The following BCL9 variants were observed in gnomAD, a reference collection of about 807,000 sequenced individuals.
BCL9 encodes BCL9 transcription coactivator.
In BCL9, 25 loss-of-function variants were observed where a neutral mutation model predicts 88.5. That is an observed-to-expected ratio of 0.28 (90% CI 0.21 to 0.39). The LOEUF (loss-of-function observed/expected upper bound fraction) is 0.39, where lower values mean the gene tolerates loss of function less well. Ranked by LOEUF, BCL9 falls within the 10% of genes least tolerant of loss-of-function variation. The probability of loss-of-function intolerance (pLI) is 1.00; values close to 1 mark genes in which losing one functional copy is unlikely to be tolerated. For synonymous variants in BCL9, 711 were observed against 673.3 expected, an observed-to-expected ratio of 1.06 and a Z score of -0.87; for missense variants, 1,817 against 1,877.8, an observed-to-expected ratio of 0.97 and a Z score of 0.60.
intron 1 of BCL9, among the ~76,000 whole-genome samples, chr1:147,582,135 C>A (rs1184780466): frequency 6.6e-6 from 1 of 152,180 alleles, no homozygotes; most frequent in Non-Finnish European, 1.5e-5. Flanking sequence ...TGGGATAAGA[C>A]CATGTATGCA....
intron 1 of BCL9, among the ~76,000 whole-genome samples, chr1:147,588,203 T>C (rs1250185953): frequency 6.6e-6 from 1 of 152,174 alleles, no homozygotes; most frequent in Non-Finnish European, 1.5e-5. Flanking sequence ...AACTAGAAGT[T>C]AGTGGAAGCA....
intron 1 of BCL9, among the ~76,000 whole-genome samples, chr1:147,599,487 G>GCCCCC (rs199922173): frequency 7.4e-6 from 1 of 134,790 alleles, no homozygotes; most frequent in Admixed American, 7.4e-5. Context: ...GCCTTTCCTG[G>GCCCCC]CCCCCCGCCC....
At chr1:147,570,501 T>C (rs1457580400) in intron 1 of BCL9, among the ~76,000 whole-genome samples, 1 of 152,166 alleles carries the variant, frequency 6.6e-6, no homozygotes, top group Non-Finnish European at 1.5e-5. Context: ...TGCAGTATCA[T>C]CTTTGGGGCA....
At chr1:147,600,532 G>A (rs587671901) in intron 1 of BCL9, among the ~76,000 whole-genome samples, 1 of 151,778 alleles carries the variant, frequency 6.6e-6, no homozygotes, top group Non-Finnish European at 1.5e-5. Context: ...GGAACCTGTG[G>A]GGGGAGGTGG....
intron 1 of BCL9, among the ~76,000 whole-genome samples, chr1:147,554,985 TTTTC>T (rs1655042125): frequency 6.6e-6 from 1 of 152,142 alleles, no homozygotes; most frequent in African/African-American, 2.4e-5. Context: ...GTATAAAACA[TTTTC>T]TTCATCTCAG....
intron 7 of BCL9, among the ~76,000 whole-genome samples, chr1:147,617,851 A>G (rs1658368805): frequency 6.6e-6 from 1 of 152,114 alleles, no homozygotes. Context: ...GGGTTTGTAG[A>G]TCAAGTCCTT....
chr1:147,553,377 G>A (rs1215912433), intron 1 of BCL9, among the ~76,000 whole-genome samples: 7 of 152,236 alleles, frequency 4.6e-5, no homozygotes, highest in African/African-American at 1.4e-4. Context: ...CATTCTGCAC[G>A]GTCTTTTTCA....
At chr1:147,549,528 GAATA>G (rs1456223705) in intron 1 of BCL9, among the ~76,000 whole-genome samples, 5 of 152,206 alleles carry the variant, frequency 3.3e-5, no homozygotes, top group Admixed American at 1.3e-4. Flanking sequence ...GACAATCAGA[GAATA>G]GAAGGTGAAT....
At position 147,614,332 on chromosome 1, in the gene BCL9, A is replaced by G; in HGVS notation, c.371-95A>G. The G allele has an allele frequency of 9.5e-6, 12 of 1,262,154 alleles. 1 individual carries two copies. The South Asian group carries it at 1.5e-4, about 16-fold the overall frequency. 78.2% of individuals were successfully genotyped at this position (1,262,154 alleles called of 1,614,324 possible). On this transcript the variant is annotated intron_variant, in intron 5 of 9. Transcript: ENST00000234739. ...CTCTTAGCAAGGTGGTACTTCCTTG[A>G]AATTCTCAAGGTGGGTTTGTGTTGT... is the stretch of plus-strand genomic sequence containing the variant.
chr1:147,623,888 C>T lies in BCL9; in HGVS notation c.3210C>T (p.Pro1070=), dbSNP rs587605153. 84 of 1,614,160 alleles carry T rather than the reference C, an allele frequency of 5.2e-5. No individual in the cohort carries two copies. In the South Asian group the frequency reaches 8.1e-4, roughly 16 times the overall value. Residue 1070 remains proline (P), a synonymous_variant, in exon 10 of 10, where the codon CCC becomes CCT. Transcript: ENST00000234739. ...ATCCTCGAATTTCAGGTCCAAACCC[C>T]GTGGTTCCGATGCCAACCCTCAGCC... is the stretch of plus-strand genomic sequence containing the variant. ...TQNPRISGPN[P]VVPMPTLSPM... is the part of the protein sequence containing the mutation.
rs1467853266 is a variant in BCL9, at chr1:147,620,910, G to A, written c.2755G>A (p.Val919Ile). ...TTTGGGGTCTGCTGCTGCTTCACCT[G>A]TCCACCTCAAGTCTCCATCACTTCC... The part of the protein sequence containing the change: ...PVLGSAAASP[V>I]HLKSPSLPAP... The change falls in exon 8 of 10, where the codon GTC becomes ATC. Residue 919 changes from valine (V) to isoleucine (I), a missense_variant. Transcript: ENST00000234739. The A allele has an allele frequency of 1.2e-6, 2 of 1,614,078 alleles. No homozygotes were observed. The highest frequency in any genetic ancestry group is 1.1e-5 in the South Asian group (1 of 91,086).
chr1:147,622,244 G>T, intron 8 of BCL9, 27 bp from the exon 9 acceptor site: 1 of 1,612,812 alleles, frequency 6.2e-7, no homozygotes, highest in South Asian at 1.1e-5. Context: ...TTCCCTGCCC[G>T]TTTTGTTTTA....
At chr1:147,547,149 A>G (rs1276272697) in intron 1 of BCL9, among the ~76,000 whole-genome samples, 1 of 152,148 alleles carries the variant, frequency 6.6e-6, no homozygotes, top group Non-Finnish European at 1.5e-5. Flanking sequence ...CTCCTGAAAG[A>G]GATTATTGAA....
chr1:147,610,188 G>A (rs1190763454), intron 3 of BCL9, among the ~76,000 whole-genome samples: 10 of 116,128 alleles, frequency 8.6e-5, no homozygotes, highest in Non-Finnish European at 3.7e-5. Context: ...AAAAAAAAAA[G>A]CTGGAAGCTG....
chr1:147,550,461 C>G (rs1279362390), intron 1 of BCL9, among the ~76,000 whole-genome samples: 2 of 151,502 alleles, frequency 1.3e-5, no homozygotes, highest in Non-Finnish European at 2.9e-5. Context: ...AAATTTATAA[C>G]AAAAAAAATT....
At chr1:147,617,676 ATT>A (rs1658358676) in intron 7 of BCL9, among the ~76,000 whole-genome samples, 1 of 152,218 alleles carries the variant, frequency 6.6e-6, no homozygotes, top group South Asian at 2.1e-4. Context: ...ACACGTAATT[ATT>A]TGTTTACATA....
chr1:147,620,588 C>A lies in BCL9; in HGVS notation c.2433C>A (p.Asn811Lys). The A allele has an allele frequency of 6.2e-7, 1 of 1,614,210 alleles. No homozygotes were observed. Among genetic ancestry groups the A allele is most frequent in the Non-Finnish European group, 8.5e-7 (1 of 1,180,026 alleles). ...CAATTGGGCCCGACCAGAGGACTAACAGCCGGCTCAGTCATATGCCACCAC... is the reference window on the plus strand; with the variant it reads ...CAATTGGGCCCGACCAGAGGACTAAAAGCCGGCTCAGTCATATGCCACCAC... ...REPIGPDQRT[N>K]SRLSHMPPLP... The change falls in exon 8 of 10, where the codon AAC (asparagine) becomes AAA (lysine). Residue 811 changes from asparagine (N) to lysine (K), a missense_variant. By Grantham distance (94) the Asn-to-Lys change is moderately conservative. Around this residue, in one of 2 missense-constraint regions of BCL9, gnomAD observed 1,228 missense variants for 1,191.6 expected, o/e 1.03. Transcript: ENST00000234739.
chr1:147,586,978 C>T (rs997664781), intron 1 of BCL9, among the ~76,000 whole-genome samples: 2 of 151,802 alleles, frequency 1.3e-5, no homozygotes, highest in African/African-American at 2.4e-5. Flanking sequence ...CAGCATAGGC[C>T]CTTTACACAT....
intron 1 of BCL9, among the ~76,000 whole-genome samples, chr1:147,546,918 T>A (rs939188122): frequency 3.3e-5 from 5 of 152,192 alleles, no homozygotes; most frequent in African/African-American, 2.4e-5. Context: ...CATGTTTTTC[T>A]GTATAAGTAT....
Sources: gnomAD v4.1 joint callset for allele counts (sites outside exome capture counted in the v4.1 genomes callset) on GRCh38, gnomAD v4.1.1 for gene constraint, gnomAD v4.1.1 regional missense constraint, MANE v1.5 for transcripts, NCBI Gene and HGNC (gene_info 2026-07-23, HGNC 2026-07-21) for gene names.